CSRNP3: variants seen among roughly 807,000 people sequenced by gnomAD.
CSRNP3 encodes cysteine/serine-rich nuclear protein 3.
Under a neutral mutation model 48.0 loss-of-function variants are expected in CSRNP3, and 12 were observed. The observed-to-expected ratio is 0.25, with a 90% CI of 0.16 to 0.41. CSRNP3 has a LOEUF of 0.41. Ranked by LOEUF, CSRNP3 falls within the 10% of genes least tolerant of loss-of-function variation. CSRNP3 has a pLI of 1.00. For missense variants in CSRNP3, 580 were observed against 724.4 expected (o/e 0.80, Z 2.29); for synonymous variants, 263 against 269.7 (o/e 0.98, Z 0.24).
chr2:165,604,062 A>G (rs1482609773), intron 4 of CSRNP3, among the ~76,000 whole-genome samples: 1 of 152,230 alleles, frequency 6.6e-6, no homozygotes, highest in Non-Finnish European at 1.5e-5. Context: ...ATTTATATCA[A>G]TGAATGAGTG....
chr2:165,650,360 T>C (rs1290924218), intron 4 of CSRNP3, among the ~76,000 whole-genome samples: 1 of 152,170 alleles, frequency 6.6e-6, no homozygotes, highest in Non-Finnish European at 1.5e-5. Flanking sequence ...TTTTACTTGG[T>C]TAAGATGAGA....
At chr2:165,611,379 G>GTGTGTGTATATA (rs56146559) in intron 4 of CSRNP3, among the ~76,000 whole-genome samples, 1 of 150,944 alleles carries the variant, frequency 6.6e-6, no homozygotes, top group Non-Finnish European at 1.5e-5. Context: ...GTGTGTGTGT[G>GTGTGTGTATATA]TATATACATA....
chr2:165,673,784 G>C (rs1271410284), intron 5 of CSRNP3, among the ~76,000 whole-genome samples: 1 of 152,082 alleles, frequency 6.6e-6, no homozygotes, highest in East Asian at 1.9e-4. Context: ...ACTTTGGGAG[G>C]CCAAGGCAGG....
At chr2:165,651,227 AG>A (rs1415893595) in intron 4 of CSRNP3, among the ~76,000 whole-genome samples, 1 of 152,252 alleles carries the variant, frequency 6.6e-6, no homozygotes, top group African/African-American at 2.4e-5. Context: ...AAATGGCTAA[AG>A]CACAAATCAG....
At chr2:165,590,288 A>C (rs551427081) in intron 3 of CSRNP3, among the ~76,000 whole-genome samples, 2 of 152,212 alleles carry the variant, frequency 1.3e-5, no homozygotes, top group Non-Finnish European at 2.9e-5. Flanking sequence ...ACATTCATGC[A>C]GAAAGACATG....
chr2:165,529,937 A>G (rs185368707), intron 3 of CSRNP3, among the ~76,000 whole-genome samples: 67 of 152,320 alleles, frequency 4.4e-4, no homozygotes, highest in Non-Finnish European at 1.5e-4. Flanking sequence ...CGAGAATTTG[A>G]GAAAGAAATG....
At chr2:165,640,144 A>G (rs1369320603) in intron 4 of CSRNP3, among the ~76,000 whole-genome samples, 1 of 152,238 alleles carries the variant, frequency 6.6e-6, no homozygotes, top group South Asian at 2.1e-4. Context: ...AATTCAAATT[A>G]TATAAATGAT....
At chr2:165,494,063 G>A (rs1684254565) in intron 1 of CSRNP3, among the ~76,000 whole-genome samples, 1 of 152,050 alleles carries the variant, frequency 6.6e-6, no homozygotes, top group Admixed American at 6.6e-5. Flanking sequence ...CACTGACCAT[G>A]TTAATACAGA....
At chr2:165,477,483 A>AATATATATATATATATATATAT (rs200408228) in intron 1 of CSRNP3, among the ~76,000 whole-genome samples, 104 of 129,642 alleles carry the variant, frequency 8.0e-4, no homozygotes, top group African/African-American at 2.4e-3. Flanking sequence ...ATATATATGA[A>AATATATATATATATATATATAT]ATATATATAT....
chr2:165,501,760 C>T (rs1684362461), intron 2 of CSRNP3, among the ~76,000 whole-genome samples: 1 of 152,042 alleles, frequency 6.6e-6, no homozygotes, highest in East Asian at 1.9e-4. Context: ...CTGAAATAGG[C>T]CAATTGTATA....
chr2:165,578,356 C>T (rs1685486445), intron 3 of CSRNP3, among the ~76,000 whole-genome samples: 1 of 152,098 alleles, frequency 6.6e-6, no homozygotes, highest in Admixed American at 6.5e-5. Flanking sequence ...ATGTCTTACA[C>T]TCTCCCTAAT....
intron 3 of CSRNP3, among the ~76,000 whole-genome samples, chr2:165,527,116 A>G (rs1294461638): frequency 6.6e-6 from 1 of 151,528 alleles, no homozygotes; most frequent in Non-Finnish European, 1.5e-5. Flanking sequence ...AGCATATTTT[A>G]TGATTAGGGA....
intron 5 of CSRNP3, among the ~76,000 whole-genome samples, chr2:165,662,322 G>T (rs1687112084): frequency 6.6e-6 from 1 of 152,080 alleles, no homozygotes; most frequent in African/African-American, 2.4e-5. Context: ...AATTCTATTT[G>T]GGGGAGTTCA....
At chr2:165,508,403 A>G (rs1336036377) in intron 2 of CSRNP3, among the ~76,000 whole-genome samples, 2 of 152,164 alleles carry the variant, frequency 1.3e-5, no homozygotes, top group African/African-American at 2.4e-5. Context: ...ACATACAAAG[A>G]ATTTTATGTT....
intron 3 of CSRNP3, among the ~76,000 whole-genome samples, chr2:165,555,249 C>G (rs913052392): frequency 1.3e-5 from 2 of 152,176 alleles, no homozygotes; most frequent in Non-Finnish European, 2.9e-5. Context: ...TTGCTTTGTC[C>G]CCTTTTTCTC....
At chr2:165,622,550 C>A (rs1166801359) in intron 4 of CSRNP3, among the ~76,000 whole-genome samples, 1 of 152,124 alleles carries the variant, frequency 6.6e-6, no homozygotes, top group East Asian at 1.9e-4. Context: ...TGTGAAGGCT[C>A]AATGGGTTTG....
Position 165,554,986 on chromosome 2 carries a change from C to T in CSRNP3, c.-24+37025C>T, listed in dbSNP as rs77054534. Among the ~76,000 whole-genome samples the T allele has an allele frequency of 2.6e-4, 40 of 152,242 alleles. 1 individual carries two copies. The East Asian group carries it at 7.3e-3, about 28-fold the overall frequency. On this transcript the variant is annotated intron_variant, in intron 3 of 6. Transcript: ENST00000651982. ...CCAACACTCTGGCATCCTTGTTAGT[C>T]GTTGAACATCTCAGATCCTTTGCAT... is the stretch of plus-strand genomic sequence containing the variant.
At chr2:165,490,335 G>A (rs1490767572) in intron 1 of CSRNP3, among the ~76,000 whole-genome samples, 3 of 147,602 alleles carry the variant, frequency 2.0e-5, no homozygotes, top group Admixed American at 1.4e-4. Context: ...CATGCTCATG[G>A]GTAGGAAGAA....
intron 4 of CSRNP3, among the ~76,000 whole-genome samples, chr2:165,603,867 C>T (rs1308506095): frequency 2.6e-5 from 4 of 152,206 alleles, no homozygotes; most frequent in Admixed American, 2.6e-4. Context: ...ACTTTTCCCT[C>T]ACCTCCTATT....
Sources: gnomAD v4.1 joint callset for allele counts (sites outside exome capture counted in the v4.1 genomes callset) on GRCh38, gnomAD v4.1.1 for gene constraint, MANE v1.5 for transcripts, NCBI Gene and HGNC (gene_info 2026-07-23, HGNC 2026-07-21) for gene names.